Variants in MKLN1 observed in about 807,000 individuals in gnomAD.
The protein encoded by MKLN1 is muskelin 1.
Under a neutral mutation model 99.0 loss-of-function variants are expected in MKLN1, and 18 were observed. That is an observed-to-expected ratio of 0.18 (90% CI 0.13 to 0.27). MKLN1 has a LOEUF of 0.27. Among genes scored for constraint, MKLN1 ranks in the 10% least tolerant of loss-of-function variants. The pLI, the probability that MKLN1 is intolerant of heterozygous loss-of-function variation, is 1.00. For synonymous variants in MKLN1, 288 were observed against 293.2 expected, an observed-to-expected ratio of 0.98 and a Z score of 0.18; for missense variants, 621 against 875.9, an observed-to-expected ratio of 0.71 and a Z score of 3.67.
chr7:131,440,747 G>A (rs1348062269), intron 10 of MKLN1, among the ~76,000 whole-genome samples: 1 of 151,834 alleles, frequency 6.6e-6, no homozygotes, highest in Non-Finnish European at 1.5e-5. Flanking sequence ...CTTTAAAGAA[G>A]AAAGCCAAAA....
intron 15 of MKLN1, among the ~76,000 whole-genome samples, chr7:131,468,186 G>GA (rs1487181371): frequency 6.6e-6 from 1 of 152,216 alleles, no homozygotes; most frequent in Non-Finnish European, 1.5e-5. Context: ...GGGTATGAGA[G>GA]AAAGAAAGCA....
At chr7:131,206,530 G>GTGTAATTATTATTATTAT (rs754090884) in intron 3 of MKLN1, among the ~76,000 whole-genome samples, 1,563 of 144,732 alleles carry the variant, frequency 0.011, 19 homozygotes, top group South Asian at 0.038. Context: ...GTATGTATGT[G>GTGTAATTATTATTATTAT]TATAATTATT....
intron 3 of MKLN1, among the ~76,000 whole-genome samples, chr7:131,312,457 T>A (rs918045253): frequency 6.6e-6 from 1 of 152,230 alleles, no homozygotes; most frequent in Non-Finnish European, 1.5e-5. Context: ...CAATGCATAA[T>A]TTTTAGAAAA....
chr7:131,140,774 C>CTTT (rs35228515), intron 1 of MKLN1, among the ~76,000 whole-genome samples: 1 of 146,900 alleles, frequency 6.8e-6, no homozygotes. Flanking sequence ...ACACACCATC[C>CTTT]TTTTTTTTTT....
intron 3 of MKLN1, among the ~76,000 whole-genome samples, chr7:131,299,290 C>G (rs1798341014): frequency 1.3e-5 from 2 of 152,154 alleles, no homozygotes; most frequent in African/African-American, 4.8e-5. Context: ...TAGCTTGTTT[C>G]TCTTTTTACA....
chr7:131,373,062 C>A, intron 1 of MKLN1, among the ~76,000 whole-genome samples: 1 of 151,770 alleles, frequency 6.6e-6, no homozygotes, highest in Non-Finnish European at 1.5e-5. Context: ...TGGTTGTCAT[C>A]ATTTTTATTT....
At chr7:131,113,876 G>A (rs1475601838) in intron 1 of MKLN1, among the ~76,000 whole-genome samples, 2 of 152,128 alleles carry the variant, frequency 1.3e-5, no homozygotes, top group East Asian at 1.9e-4. Flanking sequence ...GAGAGCTTGC[G>A]GGGGAAACTG....
At chr7:131,439,272 C>T (rs1584743675) in intron 10 of MKLN1, among the ~76,000 whole-genome samples, 1 of 151,506 alleles carries the variant, frequency 6.6e-6, no homozygotes, top group Non-Finnish European at 1.5e-5. Context: ...ATTTCTTTTA[C>T]AAAAGATGCT....
chr7:131,477,881 T>C (rs1797011136), intron 16 of MKLN1, among the ~76,000 whole-genome samples: 1 of 152,252 alleles, frequency 6.6e-6, no homozygotes, highest in African/African-American at 2.4e-5. Context: ...TGGTCTCTTT[T>C]CCTGCATTCT....
intron 4 of MKLN1, among the ~76,000 whole-genome samples, chr7:131,394,274 C>T (rs954332078): frequency 6.6e-6 from 1 of 152,070 alleles, no homozygotes; most frequent in Non-Finnish European, 1.5e-5. Context: ...TTTATTCACA[C>T]AGCTTCCTTT....
chr7:131,338,184 G>A (rs1799305215), intron 1 of MKLN1, among the ~76,000 whole-genome samples: 1 of 152,128 alleles, frequency 6.6e-6, no homozygotes, highest in African/African-American at 2.4e-5. Flanking sequence ...TGGCTTTTTA[G>A]CCTTTTGCTA....
At chr7:131,396,433 G>T (rs1355917062) in intron 4 of MKLN1, among the ~76,000 whole-genome samples, 1 of 151,954 alleles carries the variant, frequency 6.6e-6, no homozygotes, top group East Asian at 1.9e-4. Flanking sequence ...TTCTTAATTT[G>T]TTTGTTTGTT....
chr7:131,346,526 A>T (rs1799567810), intron 1 of MKLN1, among the ~76,000 whole-genome samples: 1 of 152,036 alleles, frequency 6.6e-6, no homozygotes, highest in Non-Finnish European at 1.5e-5. Context: ...GTCTCAAAAA[A>T]AAAAAAAACC....
At chr7:131,315,521 G>C (rs1227152861) in intron 3 of MKLN1, among the ~76,000 whole-genome samples, 1 of 152,168 alleles carries the variant, frequency 6.6e-6, no homozygotes, top group East Asian at 1.9e-4. Flanking sequence ...TCATACCCCA[G>C]TGGCGCCTGG....
intron 12 of MKLN1, among the ~76,000 whole-genome samples, chr7:131,461,640 G>T (rs1271454738): frequency 6.6e-6 from 1 of 152,104 alleles, no homozygotes; most frequent in Non-Finnish European, 1.5e-5. Flanking sequence ...GATCAATATG[G>T]CTGGCATCTC....
At chr7:131,334,841 A>G (rs1456434970) in intron 1 of MKLN1, among the ~76,000 whole-genome samples, 4 of 152,242 alleles carry the variant, frequency 2.6e-5, no homozygotes, top group African/African-American at 9.6e-5. Context: ...ACATTTTAAT[A>G]TGTATAAAAT....
chr7:131,226,363 A>G (rs1354028543), intron 3 of MKLN1, among the ~76,000 whole-genome samples: 2 of 152,120 alleles, frequency 1.3e-5, no homozygotes, highest in African/African-American at 2.4e-5. Context: ...TAGGAAATTC[A>G]TTTTGCTCCT....
chr7:131,316,007 T>G (rs1488840974), intron 3 of MKLN1, among the ~76,000 whole-genome samples: 4 of 152,214 alleles, frequency 2.6e-5, no homozygotes, highest in Non-Finnish European at 5.9e-5. Flanking sequence ...TAATCTTTCC[T>G]GCCTGCTGGC....
chr7:131,298,777 T>A (rs1798332928), intron 3 of MKLN1, among the ~76,000 whole-genome samples: 1 of 152,238 alleles, frequency 6.6e-6, no homozygotes, highest in Non-Finnish European at 1.5e-5. Flanking sequence ...CTCTAGTTTG[T>A]TATTAAATCG....
Sources: gnomAD v4.1 joint callset for allele counts (sites outside exome capture counted in the v4.1 genomes callset) on GRCh38, gnomAD v4.1.1 for gene constraint, MANE v1.5 for transcripts, NCBI Gene and HGNC (gene_info 2026-07-23, HGNC 2026-07-21) for gene names.